Variants in FGD4 observed in about 807,000 individuals in gnomAD.
FGD4 encodes FYVE, RhoGEF and PH domain-containing protein 4.
Under a neutral mutation model 102.0 loss-of-function variants are expected in FGD4, and 42 were observed. The observed-to-expected ratio is 0.41, with a 90% confidence interval of 0.32 to 0.53. FGD4 has a LOEUF of 0.53. FGD4 is among the 20% of genes least tolerant of loss of function. The pLI is 0.21. For synonymous variants in FGD4, 380 were observed against 375.7 expected (o/e 1.01, Z -0.13); for missense variants, 902 against 1,078.2 (o/e 0.84, Z 2.29).
intron 1 of FGD4, among the ~76,000 whole-genome samples, chr12:32,555,425 T>A (rs1345460630): frequency 6.6e-6 from 1 of 152,110 alleles, no homozygotes; most frequent in African/African-American, 2.4e-5. Context: ...TGTGTAAATC[T>A]GGAGACGGGT....
chr12:32,430,740 A>G (rs995995885), intron 1 of FGD4, among the ~76,000 whole-genome samples: 4 of 152,228 alleles, frequency 2.6e-5, no homozygotes, highest in African/African-American at 9.6e-5. Context: ...TTAACATCTT[A>G]GTATAATAAA....
intron 1 of FGD4, among the ~76,000 whole-genome samples, chr12:32,497,260 C>A (rs1271387002): frequency 6.6e-6 from 1 of 152,084 alleles, no homozygotes; most frequent in Non-Finnish European, 1.5e-5. Context: ...GCAAACTGGG[C>A]AGAAAAGTTC....
intron 1 of FGD4, among the ~76,000 whole-genome samples, chr12:32,559,421 G>A (rs1471956746): frequency 2.0e-5 from 3 of 151,978 alleles, no homozygotes. Flanking sequence ...CTATGTATTT[G>A]TCATTGCCTT....
chr12:32,399,908 G>C lies in FGD4; in HGVS notation c.115G>C (p.Gly39Arg), dbSNP rs574984807. The change falls in exon 1 of 17, where the codon GGA becomes CGA. Residue 39 changes from glycine (G) to arginine (R), a missense_variant. Transcript: ENST00000534526. ...CTGGAGCAGGCCCGCGTCGCACCTG[G>C]GACGTGTAGGGACCGCTGCCTTCAA... is the stretch of plus-strand genomic sequence containing the variant. ...RPWSRPASHLGRVGTAAFKGQ... is the reference protein window; with the variant it reads ...RPWSRPASHLRRVGTAAFKGQ... 158 of 1,521,808 alleles carry C rather than the reference G, an allele frequency of 1.0e-4. No individual in the cohort carries two copies. In the South Asian group the frequency reaches 1.7e-3, roughly 17 times the overall value. 94.3% of individuals were successfully genotyped at this position (1,521,808 alleles called of 1,614,324 possible). A position where few individuals can be genotyped will look rare whatever the true frequency, so the allele number is the denominator to read the frequency against.
At chr12:32,536,439 C>A (rs924730703) in intron 1 of FGD4, among the ~76,000 whole-genome samples, 5 of 152,180 alleles carry the variant, frequency 3.3e-5, no homozygotes, top group African/African-American at 1.2e-4. Context: ...GTTTTGTGGA[C>A]CATCCCTGCC....
At chr12:32,440,218 A>G (rs1436092123) in intron 1 of FGD4, among the ~76,000 whole-genome samples, 2 of 152,184 alleles carry the variant, frequency 1.3e-5, no homozygotes, top group Non-Finnish European at 2.9e-5. Flanking sequence ...GATGTTCTTC[A>G]GTATCTGGGC....
chr12:32,585,654 C>T (rs1433343139), intron 4 of FGD4, among the ~76,000 whole-genome samples: 1 of 151,650 alleles, frequency 6.6e-6, no homozygotes. Flanking sequence ...GGGCAACGGG[C>T]AAAACCCCAT....
At chr12:32,454,993 A>T (rs572485766) in intron 1 of FGD4, among the ~76,000 whole-genome samples, 114 of 152,310 alleles carry the variant, frequency 7.5e-4, no homozygotes, top group Admixed American at 2.0e-3. Context: ...GAGCATGTTT[A>T]TTCCCAAGGT....
chr12:32,523,895 G>A (rs1430435865), intron 1 of FGD4, among the ~76,000 whole-genome samples: 2 of 151,398 alleles, frequency 1.3e-5, no homozygotes, highest in Admixed American at 6.6e-5. Context: ...GGAGAATGGC[G>A]TGAACCCGGG....
intron 4 of FGD4, among the ~76,000 whole-genome samples, chr12:32,587,678 G>A (rs923050365): frequency 6.6e-6 from 1 of 152,106 alleles, no homozygotes; most frequent in Admixed American, 6.6e-5. Context: ...GAGCCACTGT[G>A]CCTGGCCAGA....
chr12:32,489,811 TAAAA>T (rs912197357), intron 1 of FGD4, among the ~76,000 whole-genome samples: 4 of 152,128 alleles, frequency 2.6e-5, no homozygotes, highest in African/African-American at 9.7e-5. Flanking sequence ...ATTTATATAT[TAAAA>T]AAATCAAGAC....
At chr12:32,441,168 C>CCT (rs1171223600) in intron 1 of FGD4, among the ~76,000 whole-genome samples, 1 of 152,092 alleles carries the variant, frequency 6.6e-6, no homozygotes, top group Non-Finnish European at 1.5e-5. Flanking sequence ...ACCTAAGGTG[C>CCT]AAGATGAAGT....
chr12:32,480,581 A>T (rs1299235384), intron 1 of FGD4, among the ~76,000 whole-genome samples: 1 of 148,356 alleles, frequency 6.7e-6, no homozygotes, highest in Non-Finnish European at 1.5e-5. Flanking sequence ...GCTCACTGCA[A>T]CCTCCACCTC....
At position 32,619,707 on chromosome 12, in the gene FGD4, A is replaced by C; in HGVS notation, c.1759A>C (p.Met587Leu). Residue 587 changes from methionine (M) to leucine (L), a missense_variant, in exon 11 of 17, where the codon ATG becomes CTG. Around this residue, in one of 2 missense-constraint regions of FGD4, gnomAD observed 459 missense variants for 619.0 expected, o/e 0.74. Coordinates refer to ENST00000534526, the MANE Select transcript of FGD4 (RefSeq NM_001370298.3). Reference protein sequence around the residue: ...QERYLFLFNNMLLYCVPKFSL... With the variant: ...QERYLFLFNNLLLYCVPKFSL... ...TTCTCGTTCCTTGCAGTTCAACAAC[A>C]TGTTGCTGTACTGTGTGCCCAAATT... 6.2e-7 allele frequency: 1 copy of C among 1,614,070 alleles called. No homozygotes were observed. Among genetic ancestry groups the C allele is most frequent in the Non-Finnish European group, 8.5e-7 (1 of 1,180,010 alleles).
At chr12:32,418,680 G>C (rs780191531) in intron 1 of FGD4, among the ~76,000 whole-genome samples, 1 of 152,260 alleles carries the variant, frequency 6.6e-6, no homozygotes, top group South Asian at 2.1e-4. Context: ...GATAGCACTC[G>C]ATCTTGCCCA....
chr12:32,560,732 G>A (rs1040948396), intron 1 of FGD4, among the ~76,000 whole-genome samples: 4 of 151,406 alleles, frequency 2.6e-5, no homozygotes, highest in Admixed American at 2.6e-4. Context: ...TCCCTCTGTT[G>A]ACCAGGCTGG....
At chr12:32,576,803 A>G (rs1255590079) in intron 3 of FGD4, among the ~76,000 whole-genome samples, 4 of 152,046 alleles carry the variant, frequency 2.6e-5, no homozygotes, top group Non-Finnish European at 5.9e-5. Context: ...TGGGTTGGAA[A>G]GTCTGAGCGG....
intron 7 of FGD4, among the ~76,000 whole-genome samples, chr12:32,604,317 T>A (rs1339964591): frequency 6.6e-6 from 1 of 152,158 alleles, no homozygotes; most frequent in African/African-American, 2.4e-5. Flanking sequence ...TTCTCTTTTT[T>A]AAAATCTTTT....
chr12:32,635,426 C>T (rs1198909825), intron 15 of FGD4, among the ~76,000 whole-genome samples: 1 of 152,158 alleles, frequency 6.6e-6, no homozygotes, highest in African/African-American at 2.4e-5. Flanking sequence ...ATTAGGTCAA[C>T]TCATATAATG....
Sources: gnomAD v4.1 joint callset for allele counts (sites outside exome capture counted in the v4.1 genomes callset) on GRCh38, gnomAD v4.1.1 for gene constraint, gnomAD v4.1.1 regional missense constraint, MANE v1.5 for transcripts, NCBI Gene and HGNC (gene_info 2026-07-23, HGNC 2026-07-21) for gene names.